DOC2B: variants seen among roughly 807,000 people sequenced by gnomAD.
DOC2B encodes the protein double C2-like domain-containing protein beta.
A neutral mutation model predicts 28.9 loss-of-function variants in DOC2B; 21 were observed. That is an observed-to-expected ratio of 0.73 (90% confidence interval 0.52 to 1.05). DOC2B has a LOEUF of 1.05. Ranked by LOEUF, DOC2B falls within the 50% of genes least tolerant of loss-of-function variation. The pLI is 0.00. For synonymous variants in DOC2B, 194 were observed against 178.1 expected, an observed-to-expected ratio of 1.09 and a Z score of -0.71; for missense variants, 384 against 421.1, an observed-to-expected ratio of 0.91 and a Z score of 0.77.
At position 143,835 on chromosome 17, in the gene DOC2B, A is replaced by C. The variant is rs1201996743; in HGVS notation, c.*3606T>G. The C allele has an allele frequency of 6.6e-6, 1 of 152,274 alleles. No individual in the cohort carries two copies. The highest frequency in any genetic ancestry group is 2.4e-5 in the African/African-American group (1 of 41,466). The allele number at this position is 152,274 out of a possible 1,614,324, so 9.4% of individuals were successfully genotyped here. A position where few individuals can be genotyped will look rare whatever the true frequency, so the allele number is the denominator to read the frequency against. On this transcript the variant is annotated 3_prime_UTR_variant, in exon 9 of 9. Transcript: ENST00000613549. ...ACTGCAGTTTGAGGACAGTGTCTGC[A>C]GCCGTCACATGGCAGCAAAACGGGG...
In DOC2B at chr17:181,406, C is replaced by A; in HGVS notation, c.74G>T (p.Gly25Val). The change falls in exon 1 of 9, where the codon GGC becomes GTC. Residue 25 changes from glycine to valine, a missense_variant. Gly to Val is a moderately radical substitution (Grantham distance 109). Coordinates refer to ENST00000613549, the MANE Select transcript of DOC2B (RefSeq NM_003585.5). The surrounding 1 kb of genome is among the most constrained non-coding windows in gnomAD (Gnocchi z 7.0). Reference sequence around the variant, plus strand: ...GATCTGCTTGATGGGACGGATGGGGCCGGGGCACACGTCGATGGCCATATG... The same window carrying A: ...GATCTGCTTGATGGGACGGATGGGGACGGGGCACACGTCGATGGCCATATG... ...QEHMAIDVCPGPIRPIKQISD... is the reference protein window; with the variant it reads ...QEHMAIDVCPVPIRPIKQISD... The A allele has an allele frequency of 1.7e-6, 2 of 1,179,176 alleles. No homozygotes were observed. The highest frequency in any genetic ancestry group is 2.3e-5 in the South Asian group (1 of 42,650). 73.0% of individuals were successfully genotyped at this position (1,179,176 alleles called of 1,614,324 possible).
rs1555523222 is a variant in DOC2B, at chr17:161,457, G to T, written c.723C>A (p.Asn241Lys). 6.4e-7 allele frequency: 1 copy of T among 1,551,726 alleles called. No homozygotes were observed. The highest frequency in any genetic ancestry group is 2.0e-5 in the Admixed American group (1 of 51,014). The change falls in exon 5 of 9, where the codon AAC (asparagine) becomes AAA (lysine). Residue 241 changes from asparagine to lysine, a missense_variant. Transcript: ENST00000613549. ...TRVPLKKLKP[N>K]HTKTFSICLE... ...GGCAGATGCTGAAGGTCTTGGTGTG[G>T]TTGGGTTTCAGCTTCTTCAGGGGCA...
In DOC2B at chr17:172,578, G is replaced by A. The variant is rs1345109419; in HGVS notation, c.412C>T (p.Gln138Ter). ...GTLDFSLLYD[Q>*]ENNALHCTIT... ...GTGCAGTGGAGGGCGTTGTTCTCCTGGTCATACAGCAGGCTGAAGTCCAGC... is the reference window on the plus strand; with the variant it reads ...GTGCAGTGGAGGGCGTTGTTCTCCTAGTCATACAGCAGGCTGAAGTCCAGC... Residue 138 changes from glutamine to a stop codon, truncating the protein, a stop_gained, in exon 2 of 9, where the codon CAG becomes TAG. Transcript: ENST00000613549. LOFTEE classifies it high-confidence loss of function. The A allele has an allele frequency of 6.4e-7, 1 of 1,550,950 alleles. No homozygotes were observed. Among genetic ancestry groups the A allele is most frequent in the African/African-American group, 1.4e-5 (1 of 73,000 alleles).
chr17:161,375 C>G, intron 5 of DOC2B, 40 bp downstream of exon 5: 1 of 1,545,974 alleles, frequency 6.5e-7, no homozygotes, highest in Non-Finnish European at 8.8e-7. Flanking sequence ...CACCTGCCAC[C>G]GAGCCAGGTA....
chr17:163,386 T>C (rs1001334049), intron 3 of DOC2B, among the ~76,000 whole-genome samples: 1 of 152,130 alleles, frequency 6.6e-6, no homozygotes, highest in Non-Finnish European at 1.5e-5. Flanking sequence ...CCTTCTGGGG[T>C]GGTCCTCCTG....
chr17:172,003 G>C (rs991364231), intron 2 of DOC2B, among the ~76,000 whole-genome samples: 14 of 151,840 alleles, frequency 9.2e-5, no homozygotes, highest in Non-Finnish European at 2.1e-4. Flanking sequence ...CAGCGGCCGG[G>C]CCAGGCTGCA....
Position 171,987 on chromosome 17 carries a change from G to C in DOC2B, c.453+550C>G, listed in dbSNP as rs554326767. Among the ~76,000 whole-genome samples the C allele has an allele frequency of 1.2e-3, 173 of 145,882 alleles. 2 individuals carry two copies. Among genetic ancestry groups the C allele is most frequent in the African/African-American group, 4.3e-3 (167 of 38,688 alleles). On this transcript the variant is annotated intron_variant, in intron 2 of 8. Coordinates refer to ENST00000613549, the MANE Select transcript of DOC2B (RefSeq NM_003585.5). ...AGGGGCCGGGCCAGGCTGCAGAGGGGAGCACCAGCGGCCGGGCCAGGCTGC... is the reference window on the plus strand; with the variant it reads ...AGGGGCCGGGCCAGGCTGCAGAGGGCAGCACCAGCGGCCGGGCCAGGCTGC...
intron 2 of DOC2B, among the ~76,000 whole-genome samples, chr17:168,811 T>C (rs919103535): frequency 2.6e-5 from 4 of 152,238 alleles, no homozygotes; most frequent in Non-Finnish European, 5.9e-5. Flanking sequence ...CCACCAAACA[T>C]GTGAGAAGTG....
chr17:172,782 T>C (rs764451932), intron 1 of DOC2B, among the ~76,000 whole-genome samples, 166 bp from the exon 2 acceptor site: 38 of 152,206 alleles, frequency 2.5e-4, no homozygotes, highest in Non-Finnish European at 4.6e-4. Context: ...ATCCTCCCAG[T>C]CCCACCCAAC....
chr17:162,664 G>A (rs1369716837), intron 3 of DOC2B, among the ~76,000 whole-genome samples: 2 of 152,248 alleles, frequency 1.3e-5, no homozygotes, highest in African/African-American at 4.8e-5. Flanking sequence ...AGAGCAGTCC[G>A]AGAGTAAACG....
intron 5 of DOC2B, among the ~76,000 whole-genome samples, chr17:157,306 C>T (rs2040147277): frequency 1.3e-5 from 2 of 152,208 alleles, no homozygotes; most frequent in South Asian, 4.1e-4. Flanking sequence ...AATTCCTGGT[C>T]CTTCTGGGCC....
At chr17:179,658 CA>C (rs1474520756) in intron 1 of DOC2B, among the ~76,000 whole-genome samples, 5 of 110,780 alleles carry the variant, frequency 4.5e-5, no homozygotes, top group African/African-American at 1.7e-4. Flanking sequence ...CACAGGGTGC[CA>C]GGGGCAGAGG....
At chr17:173,158 G>A (rs1395387624) in intron 1 of DOC2B, among the ~76,000 whole-genome samples, 1 of 152,176 alleles carries the variant, frequency 6.6e-6, no homozygotes, top group Non-Finnish European at 1.5e-5. Context: ...AGCCAGCTGG[G>A]TCCTCATACT....
Position 181,397 on chromosome 17 carries a change from C to G in DOC2B, c.83G>C (p.Arg28Pro). 8.6e-7 allele frequency: 1 copy of G among 1,166,040 alleles called. No homozygotes were observed. The highest frequency in any genetic ancestry group is 1.1e-6 in the Non-Finnish European group (1 of 939,826). 72.2% of individuals were successfully genotyped at this position (1,166,040 alleles called of 1,614,324 possible). ...MAIDVCPGPI[R>P]PIKQISDYFP... is the part of the protein sequence containing the mutation. ...GTAGTCGGAGATCTGCTTGATGGGA[C>G]GGATGGGGCCGGGGCACACGTCGAT... The change falls in exon 1 of 9, where the codon CGT becomes CCT. Residue 28 changes from arginine (R) to proline (P), a missense_variant. Transcript: ENST00000613549. The surrounding 1 kb of genome is among the most constrained non-coding windows in gnomAD (Gnocchi z 7.0).
chr17:177,031 T>C (rs2040377821), intron 1 of DOC2B, among the ~76,000 whole-genome samples: 1 of 140,078 alleles, frequency 7.1e-6, no homozygotes, highest in Non-Finnish European at 1.5e-5. Context: ...TGCCCTGATT[T>C]TTTTTTTTTT....
At chr17:149,371 GA>G in intron 6 of DOC2B, among the ~76,000 whole-genome samples, 179 bp from the exon 7 acceptor site, 1 of 152,074 alleles carries the variant, frequency 6.6e-6, no homozygotes, top group Non-Finnish European at 1.5e-5. Flanking sequence ...TTGTTTTCGA[GA>G]AGCAAGTGGT....
intron 2 of DOC2B, among the ~76,000 whole-genome samples, chr17:172,056 G>A (rs553581417): frequency 3.9e-5 from 6 of 152,198 alleles, no homozygotes; most frequent in African/African-American, 1.4e-4. Context: ...ACGTAGTGAG[G>A]CTCAGAGGGC....
chr17:176,255 G>A (rs965393273), intron 1 of DOC2B, among the ~76,000 whole-genome samples: 1 of 151,712 alleles, frequency 6.6e-6, no homozygotes, highest in South Asian at 2.1e-4. Context: ...GTACAGTGGT[G>A]CGATCACAGT....
At chr17:171,937 G>A (rs111742104) in intron 2 of DOC2B, among the ~76,000 whole-genome samples, 2 of 133,048 alleles carry the variant, frequency 1.5e-5, no homozygotes, top group South Asian at 2.6e-4. Flanking sequence ...ACCAGGGGCC[G>A]GGCCAGGCTG....
Sources: allele counts gnomAD v4.1 joint callset (sites outside exome capture counted in the v4.1 genomes callset), GRCh38; gene constraint gnomAD v4.1.1; non-coding constraint Gnocchi (gnomAD v3.1); transcripts MANE v1.5; gene names NCBI Gene and HGNC (gene_info 2026-07-23, HGNC 2026-07-21).